Variants in HECW1 observed in about 807,000 individuals in gnomAD.
HECW1 encodes the protein E3 ubiquitin-protein ligase HECW1.
A neutral mutation model predicts 182.3 loss-of-function variants in HECW1; 61 were observed. The observed-to-expected ratio is 0.33, with a 90% CI of 0.27 to 0.41. The LOEUF (loss-of-function observed/expected upper bound fraction) is 0.41. Among genes scored for constraint, HECW1 ranks in the 10% least tolerant of loss-of-function variants. The probability of loss-of-function intolerance (pLI) is 1.00; values close to 1 mark genes in which losing one functional copy is unlikely to be tolerated. For synonymous variants in HECW1, 859 were observed against 832.6 expected, an observed-to-expected ratio of 1.03 and a Z score of -0.55; for missense variants, 1,739 against 2,108.9, an observed-to-expected ratio of 0.82 and a Z score of 3.44.
At chr7:43,353,727 C>G (rs1814746169) in intron 5 of HECW1, among the ~76,000 whole-genome samples, 1 of 152,132 alleles carries the variant, frequency 6.6e-6, no homozygotes, top group South Asian at 2.1e-4. Flanking sequence ...GGTAGACAAC[C>G]AGCTTCCACA....
chr7:43,175,050 C>T (rs1427408751), intron 2 of HECW1, among the ~76,000 whole-genome samples: 4 of 152,168 alleles, frequency 2.6e-5, no homozygotes, highest in Non-Finnish European at 4.4e-5. Context: ...CAATCCCATC[C>T]TGCTGATTTC....
rs1554475170 is a variant in HECW1 at position 43,565,581 on chromosome 7, T to TA, written c.*3655_*3656insA. The TA allele has an allele frequency of 0.025, 4,065 of 165,348 alleles. 175 individuals carry two copies. The highest frequency in any genetic ancestry group is 0.096 in the African/African-American group (3,785 of 39,372). The allele number at this position is 165,348 out of a possible 1,614,324, so 10.2% of individuals were successfully genotyped here. ...GCTTTATTATTATTATTATTATTAT[T>TA]TTTATTATTATTATTATTACGTACT... On this transcript the variant is annotated 3_prime_UTR_variant, in exon 30 of 30. Transcript: ENST00000395891.
At chr7:43,437,910 G>A in intron 8 of HECW1, 93 bp from the exon 9 acceptor site, 1 of 1,300,600 alleles carries the variant, frequency 7.7e-7, no homozygotes, top group Non-Finnish European at 1.1e-6. Context: ...TAGCTAGGAT[G>A]TTTTACAGTG....
At chr7:43,419,892 C>A (rs952140870) in intron 8 of HECW1, among the ~76,000 whole-genome samples, 1 of 152,220 alleles carries the variant, frequency 6.6e-6, no homozygotes, top group Non-Finnish European at 1.5e-5. Flanking sequence ...CACTCTATTG[C>A]TGTGTCCAGT....
chr7:43,520,407 G>A (rs1004868286), intron 24 of HECW1, among the ~76,000 whole-genome samples: 7 of 152,014 alleles, frequency 4.6e-5, no homozygotes, highest in East Asian at 1.9e-4. Flanking sequence ...TGCCTCTCCC[G>A]GGCAGCTCCT....
intron 5 of HECW1, among the ~76,000 whole-genome samples, chr7:43,324,316 G>A (rs1464833951): frequency 2.0e-5 from 3 of 152,206 alleles, no homozygotes; most frequent in African/African-American, 7.2e-5. Flanking sequence ...AATGATTAGA[G>A]TATTAACTCA....
intron 26 of HECW1, among the ~76,000 whole-genome samples, chr7:43,548,542 A>C (rs77700860): frequency 0.018 from 2,745 of 152,292 alleles, 75 homozygotes; most frequent in African/African-American, 0.063. Context: ...GAGCAGAGGG[A>C]TGCAGGTGAA....
intron 8 of HECW1, among the ~76,000 whole-genome samples, chr7:43,425,372 G>A (rs971446213): frequency 1.3e-5 from 2 of 150,616 alleles, no homozygotes; most frequent in African/African-American, 4.9e-5. Context: ...AATTCGGTAG[G>A]GTATCTTAAT....
intron 29 of HECW1, among the ~76,000 whole-genome samples, chr7:43,557,660 A>G (rs2082075056): frequency 6.6e-6 from 1 of 152,222 alleles, no homozygotes; most frequent in Admixed American, 6.5e-5. Context: ...AATAGTCATA[A>G]TAAGTTAGAA....
At chr7:43,427,189 G>T (rs2076389339) in intron 8 of HECW1, among the ~76,000 whole-genome samples, 1 of 152,080 alleles carries the variant, frequency 6.6e-6, no homozygotes. Context: ...TGTATAACTA[G>T]ACACAAAATA....
At chr7:43,262,644 A>G (rs1801308336) in intron 3 of HECW1, among the ~76,000 whole-genome samples, 1 of 152,248 alleles carries the variant, frequency 6.6e-6, no homozygotes, top group Non-Finnish European at 1.5e-5. Context: ...TCTTCAATGC[A>G]GTAATGAGGT....
intron 3 of HECW1, among the ~76,000 whole-genome samples, chr7:43,300,841 C>T (rs1806667154): frequency 6.6e-6 from 1 of 152,132 alleles, no homozygotes; most frequent in South Asian, 2.1e-4. Context: ...AAAGCAGGTA[C>T]GATGACCTCC....
At chr7:43,488,420 G>GAAAGAAAA (rs1554440431) in intron 17 of HECW1, among the ~76,000 whole-genome samples, 1 of 63,358 alleles carries the variant, frequency 1.6e-5, no homozygotes, top group East Asian at 3.5e-4. Context: ...AAGAGAGAGA[G>GAAAGAAAA]AGAAAGAAAG....
chr7:43,541,829 ATTTG>A, intron 25 of HECW1, 36 bp from the exon 26 acceptor site: 1 of 1,412,480 alleles, frequency 7.1e-7, no homozygotes, highest in Non-Finnish European at 9.3e-7. Flanking sequence ...CTGGGCAGCC[ATTTG>A]TTTGGTAATT....
intron 14 of HECW1, among the ~76,000 whole-genome samples, chr7:43,465,620 G>C (rs2077738766): frequency 6.6e-6 from 1 of 152,226 alleles, no homozygotes; most frequent in Non-Finnish European, 1.5e-5. Context: ...TTCAGCAAGG[G>C]GAAGAGCAGC....
intron 2 of HECW1, among the ~76,000 whole-genome samples, chr7:43,117,054 A>C (rs920040591): frequency 6.6e-6 from 1 of 152,208 alleles, no homozygotes. Context: ...TTCTTTATAC[A>C]TTTCTATAAT....
chr7:43,483,917 C>T (rs887441680), intron 17 of HECW1, among the ~76,000 whole-genome samples: 4 of 151,988 alleles, frequency 2.6e-5, no homozygotes, highest in South Asian at 2.1e-4. Context: ...AAGAGCTATT[C>T]GAGAGAGGCC....
intron 4 of HECW1, among the ~76,000 whole-genome samples, chr7:43,318,193 G>C (rs1431618118): frequency 6.6e-6 from 1 of 152,180 alleles, no homozygotes; most frequent in Non-Finnish European, 1.5e-5. Context: ...CCAGTGATCA[G>C]AGTGGAGAAA....
At position 43,316,177 on chromosome 7, in the gene HECW1, C is replaced by T. The variant is rs1809216629; in HGVS notation, c.352+4090C>T. Among the ~76,000 whole-genome samples the T allele has an allele frequency of 3.3e-5, 5 of 152,268 alleles. No individual in the cohort carries two copies. The South Asian group carries it at 8.3e-4, about 25-fold the overall frequency. On this transcript the variant is annotated intron_variant, in intron 4 of 29. Transcript: ENST00000395891. ...TAAAATTATAATAATCCACAAAGAT[C>T]CTTTCTCTATTATAAACTGAGGAGC...
Sources: allele counts gnomAD v4.1 joint callset (sites outside exome capture counted in the v4.1 genomes callset), GRCh38; gene constraint gnomAD v4.1.1; transcripts MANE v1.5; gene names NCBI Gene and HGNC (gene_info 2026-07-23, HGNC 2026-07-21).